TUBD1: variants seen among roughly 807,000 people sequenced by gnomAD.
TUBD1 encodes the protein tubulin delta 1, also known as tubulin delta chain.
Under a neutral mutation model 51.2 loss-of-function variants are expected in TUBD1, and 38 were observed. That is an observed-to-expected ratio of 0.74 (90% CI 0.57 to 0.97). TUBD1 has a LOEUF of 0.97. Among genes scored for constraint, TUBD1 ranks in the 50% least tolerant of loss-of-function variants. The probability of loss-of-function intolerance (pLI) is 0.00; values close to 1 mark genes in which losing one functional copy is unlikely to be tolerated. For synonymous variants in TUBD1, 169 were observed against 178.2 expected, an observed-to-expected ratio of 0.95 and a Z score of 0.41; for missense variants, 489 against 538.4, an observed-to-expected ratio of 0.91 and a Z score of 0.91.
At position 59,860,264 on chromosome 17, in the gene TUBD1, T is replaced by G. The variant is rs1168371897; in HGVS notation, c.*58A>C. On this transcript the variant is annotated 3_prime_UTR_variant, in exon 9 of 9. Coordinates refer to ENST00000325752, the MANE Select transcript of TUBD1 (RefSeq NM_016261.4). ...TTTGAAAACTTTACAGAGAAAATAG[T>G]ATTGAAAATATTTTAGTCCAGAAAT... 10 of 1,182,890 alleles carry G rather than the reference T, an allele frequency of 8.5e-6. No individual in the cohort carries two copies. Among genetic ancestry groups the G allele is most frequent in the African/African-American group, 1.5e-5 (1 of 64,772 alleles). The allele number at this position is 1,182,890 out of a possible 1,614,324, so 73.3% of individuals were successfully genotyped here. A position where few individuals can be genotyped will look rare whatever the true frequency, so the allele number is the denominator to read the frequency against.
intron 6 of TUBD1, 77 bp downstream of exon 6, chr17:59,874,462 A>G: frequency 6.9e-7 from 1 of 1,450,484 alleles, no homozygotes; most frequent in Non-Finnish European, 9.3e-7. Flanking sequence ...AAACTGGTCC[A>G]AGCCAGTTTA....
intron 8 of TUBD1, among the ~76,000 whole-genome samples, chr17:59,861,927 A>C (rs2039468056): frequency 6.6e-6 from 1 of 151,194 alleles, no homozygotes; most frequent in African/African-American, 2.4e-5. Flanking sequence ...TGGCCTCCCA[A>C]AGTGCTGGAA....
intron 6 of TUBD1, among the ~76,000 whole-genome samples, chr17:59,871,798 C>CT (rs982184933): frequency 9.3e-5 from 14 of 151,074 alleles, no homozygotes; most frequent in South Asian, 2.1e-4. Flanking sequence ...AGAAAGAATT[C>CT]TTTTTTTTTA....
chr17:59,860,489 T>G (rs1568270001), intron 8 of TUBD1, 65 bp from the exon 9 acceptor site: 1 of 956,210 alleles, frequency 1.0e-6, no homozygotes, highest in Non-Finnish European at 1.6e-6. Flanking sequence ...GAGTAACTCT[T>G]AAACAATAAA....
At chr17:59,889,892 C>T (rs1404118952) in intron 2 of TUBD1, among the ~76,000 whole-genome samples, 1 of 148,534 alleles carries the variant, frequency 6.7e-6, no homozygotes, top group African/African-American at 2.5e-5. Context: ...ATTGCTTGAA[C>T]ACGGGAGGTG....
At chr17:59,870,182 A>G (rs1433051033) in intron 6 of TUBD1, among the ~76,000 whole-genome samples, 1 of 151,772 alleles carries the variant, frequency 6.6e-6, no homozygotes, top group Non-Finnish European at 1.5e-5. Flanking sequence ...CCAACATGAT[A>G]CAACCCCATC....
intron 8 of TUBD1, among the ~76,000 whole-genome samples, chr17:59,862,065 G>T (rs1350111221): frequency 6.6e-6 from 1 of 151,142 alleles, no homozygotes; most frequent in Non-Finnish European, 1.5e-5. Flanking sequence ...GGCTCACACT[G>T]GTAATCCCAG....
chr17:59,864,740 G>A (rs534312576), intron 7 of TUBD1, among the ~76,000 whole-genome samples: 1 of 152,080 alleles, frequency 6.6e-6, no homozygotes, highest in East Asian at 1.9e-4. Flanking sequence ...CCAAGCAATC[G>A]TCCCACCTCT....
At chr17:59,874,456 T>G in intron 6 of TUBD1, 83 bp downstream of exon 6, 1 of 1,384,340 alleles carries the variant, frequency 7.2e-7, no homozygotes, top group South Asian at 1.4e-5. Context: ...TTATTTAAAC[T>G]GGTCCAAGCC....
At position 59,876,445 on chromosome 17, in the gene TUBD1, C is replaced by T. The variant is rs183027708; in HGVS notation, c.769+1658G>A. Among the ~76,000 whole-genome samples the T allele has an allele frequency of 4.3e-3, 653 of 151,518 alleles. 5 individuals carry two copies. The highest frequency in any genetic ancestry group is 0.015 in the African/African-American group (621 of 41,260). On this transcript the variant is annotated intron_variant, in intron 5 of 8. Transcript: ENST00000325752. ...CCTCAGCTCACTGCAACCTCTGCCT[C>T]CCAGGTTCAAGCAATTCTCCTGCCT...
rs535662732 is a variant in TUBD1 at position 59,886,566 on chromosome 17, G to A, written c.173-336C>T. ...AACTGCTTGAACCTGGAAGGCGGAG[G>A]TTGCACTGAGCCAAGGTTGCACCAC... On this transcript the variant is annotated intron_variant, in intron 2 of 8. Coordinates refer to ENST00000325752, the MANE Select transcript of TUBD1 (RefSeq NM_016261.4). 1.9e-5 allele frequency: 3 copies of A among 156,688 alleles called. No homozygotes were observed. In the South Asian group the frequency reaches 4.7e-4, roughly 24 times the overall value. The allele number at this position is 156,688 out of a possible 1,614,324, so 9.7% of individuals were successfully genotyped here.
At chr17:59,882,372 C>T (rs972302675) in intron 3 of TUBD1, among the ~76,000 whole-genome samples, 1 of 151,882 alleles carries the variant, frequency 6.6e-6, no homozygotes, top group African/African-American at 2.4e-5. Context: ...AAACTACCTC[C>T]GCCTCCCAGG....
At chr17:59,873,355 T>A (rs765216300) in intron 6 of TUBD1, among the ~76,000 whole-genome samples, 1 of 152,016 alleles carries the variant, frequency 6.6e-6, no homozygotes, top group Non-Finnish European at 1.5e-5. Context: ...GCTCAGGTGA[T>A]CCTCCCACCT....
intron 7 of TUBD1, among the ~76,000 whole-genome samples, chr17:59,865,054 C>T (rs746407278): frequency 1.3e-4 from 20 of 151,454 alleles, no homozygotes; most frequent in Non-Finnish European, 2.7e-4. Context: ...GATGGGGTCT[C>T]GTTATGTTGC....
At chr17:59,869,402 G>A (rs2039877370) in intron 6 of TUBD1, among the ~76,000 whole-genome samples, 1 of 151,520 alleles carries the variant, frequency 6.6e-6, no homozygotes, top group South Asian at 2.1e-4. Flanking sequence ...CTTCAACTGG[G>A]AGGCAGCGGT....
chr17:59,872,341 TGCCTTA>T (rs1223229253), intron 6 of TUBD1, among the ~76,000 whole-genome samples: 1 of 152,068 alleles, frequency 6.6e-6, no homozygotes, highest in South Asian at 2.1e-4. Flanking sequence ...GCGATCCTCC[TGCCTTA>T]GCCTCCCAAA....
intron 2 of TUBD1, among the ~76,000 whole-genome samples, chr17:59,887,402 T>C (rs1399825475): frequency 1.3e-5 from 2 of 150,230 alleles, no homozygotes; most frequent in African/African-American, 4.9e-5. Flanking sequence ...GAAAGATAAA[T>C]ACATCAATAC....
At chr17:59,884,844 AC>A in intron 3 of TUBD1, 1 of 168,720 alleles carries the variant, frequency 5.9e-6, no homozygotes, top group South Asian at 1.4e-4. Flanking sequence ...AATTGCTTGA[AC>A]CCAGGAGATG....
At chr17:59,861,868 A>G (rs2144408579) in intron 8 of TUBD1, among the ~76,000 whole-genome samples, 1 of 151,400 alleles carries the variant, frequency 6.6e-6, no homozygotes, top group East Asian at 2.0e-4. Context: ...GGGTTTCACC[A>G]TGTTGGCCAG....
Sources: gnomAD v4.1 joint callset for allele counts (sites outside exome capture counted in the v4.1 genomes callset) on GRCh38, gnomAD v4.1.1 for gene constraint, MANE v1.5 for transcripts, NCBI Gene and HGNC (gene_info 2026-07-23, HGNC 2026-07-21) for gene names.